ADCY8: variants seen among roughly 807,000 people sequenced by gnomAD.
ADCY8 encodes the protein adenylate cyclase type 8.
A neutral mutation model predicts 119.7 loss-of-function variants in ADCY8; 51 were observed. The observed-to-expected ratio is 0.43, with a 90% CI of 0.34 to 0.54. ADCY8 has a LOEUF of 0.54. Ranked by LOEUF, ADCY8 falls within the 20% of genes least tolerant of loss-of-function variation. The probability of loss-of-function intolerance (pLI) is 0.03; values close to 1 mark genes in which losing one functional copy is unlikely to be tolerated. For synonymous variants in ADCY8, 665 were observed against 651.0 expected (o/e 1.02, Z -0.33); for missense variants, 1,383 against 1,598.8 (o/e 0.87, Z 2.30).
At chr8:130,875,652 C>T (rs534730921) in intron 8 of ADCY8, among the ~76,000 whole-genome samples, 1 of 152,244 alleles carries the variant, frequency 6.6e-6, no homozygotes, top group East Asian at 1.9e-4. Flanking sequence ...TTATTTTATA[C>T]TAATCATTAC....
At chr8:130,874,876 C>T (rs1038186741) in intron 8 of ADCY8, among the ~76,000 whole-genome samples, 1 of 152,096 alleles carries the variant, frequency 6.6e-6, no homozygotes, top group South Asian at 2.1e-4. Context: ...ACACCCCCAG[C>T]CATGGAGAAG....
At chr8:130,863,924 CTCTT>C (rs2130376061) in intron 9 of ADCY8, among the ~76,000 whole-genome samples, 1 of 152,236 alleles carries the variant, frequency 6.6e-6, no homozygotes, top group Admixed American at 6.5e-5. Flanking sequence ...TTCTCTGATG[CTCTT>C]TCTTTATGGA....
At chr8:130,983,644 T>G (rs879706331) in intron 2 of ADCY8, among the ~76,000 whole-genome samples, 5 of 152,076 alleles carry the variant, frequency 3.3e-5, no homozygotes, top group African/African-American at 7.2e-5. Flanking sequence ...TGATGCAGGG[T>G]AAATGAAATT....
chr8:130,838,054 A>C (rs1382374479), intron 11 of ADCY8, among the ~76,000 whole-genome samples: 7 of 152,190 alleles, frequency 4.6e-5, no homozygotes, highest in African/African-American at 1.7e-4. Flanking sequence ...CAATTTTTGT[A>C]TGGGCAGGGG....
chr8:130,928,230 C>A (rs1045788752), intron 5 of ADCY8, among the ~76,000 whole-genome samples: 32 of 152,140 alleles, frequency 2.1e-4, no homozygotes, highest in African/African-American at 7.7e-4. Context: ...TGCAACCACA[C>A]CCACATAATT....
chr8:131,017,823 GAA>G (rs34885480), intron 1 of ADCY8, among the ~76,000 whole-genome samples: 1,639 of 148,826 alleles, frequency 0.011, 34 homozygotes, highest in African/African-American at 0.038. Context: ...CCATGTAAGA[GAA>G]AAAAAAAAAA....
In ADCY8 at chr8:130,859,136, G is replaced by A. The variant is rs187333549; in HGVS notation, c.2210+8710C>T. On this transcript the variant is annotated intron_variant, in intron 9 of 17. Coordinates refer to ENST00000286355, the MANE Select transcript of ADCY8 (RefSeq NM_001115.3). ...TACCACTGAGGTGTCATTGCTTCCA[G>A]GCCCTCTCCACTGACAGAGGAAGGA... is the stretch of plus-strand genomic sequence containing the variant. Among the ~76,000 whole-genome samples, 8 of 152,190 alleles carry A rather than the reference G, an allele frequency of 5.3e-5. No individual in the cohort carries two copies. In the East Asian group the frequency reaches 1.5e-3, roughly 29 times the overall value.
intron 1 of ADCY8, among the ~76,000 whole-genome samples, chr8:131,021,460 C>G (rs1227756977): frequency 6.6e-5 from 10 of 152,104 alleles, no homozygotes; most frequent in Non-Finnish European, 1.3e-4. Context: ...TCTCCAAATC[C>G]TCTAGTAATG....
intron 1 of ADCY8, among the ~76,000 whole-genome samples, chr8:131,031,595 T>TG (rs1486336673): frequency 6.6e-6 from 1 of 152,184 alleles, no homozygotes; most frequent in Non-Finnish European, 1.5e-5. Context: ...TCCTGAGGGC[T>TG]TTACCTTCAT....
At chr8:130,862,761 AAG>A (rs1266827012) in intron 9 of ADCY8, among the ~76,000 whole-genome samples, 1 of 152,204 alleles carries the variant, frequency 6.6e-6, no homozygotes, top group Admixed American at 6.5e-5. Context: ...CGTGTGATTG[AAG>A]AGTGTGTTAT....
chr8:130,904,087 T>A (rs1453472739), intron 6 of ADCY8, 45 bp from the exon 7 acceptor site: 1 of 1,555,738 alleles, frequency 6.4e-7, no homozygotes, highest in East Asian at 2.3e-5. Flanking sequence ...TGATGTTGCC[T>A]GCAAAGGCTA....
chr8:130,807,412 C>A (rs1301487018), intron 14 of ADCY8, among the ~76,000 whole-genome samples: 1 of 152,210 alleles, frequency 6.6e-6, no homozygotes, highest in East Asian at 1.9e-4. Context: ...TATGTTGAAA[C>A]TTCACTGCCA....
intron 12 of ADCY8, among the ~76,000 whole-genome samples, chr8:130,831,393 C>T (rs148750729): frequency 3.4e-4 from 52 of 152,274 alleles, no homozygotes; most frequent in Admixed American, 1.9e-3. Context: ...GTTACTTCAA[C>T]ACAGTGAGGT....
intron 1 of ADCY8, among the ~76,000 whole-genome samples, chr8:131,031,042 GT>G (rs1479694953): frequency 6.6e-6 from 1 of 152,136 alleles, no homozygotes; most frequent in Non-Finnish European, 1.5e-5. Flanking sequence ...AAGAAAAGCT[GT>G]GCAACAATCC....
chr8:130,922,659 T>A (rs143231943), intron 5 of ADCY8, among the ~76,000 whole-genome samples: 61 of 152,290 alleles, frequency 4.0e-4, no homozygotes, highest in Admixed American at 1.9e-3. Context: ...TTTCCCCACC[T>A]TCCCCCCTTT....
rs771490152 is a variant in ADCY8, at chr8:131,039,915, T to A, written c.419A>T (p.Asp140Val). The A allele has an allele frequency of 6.2e-7, 1 of 1,611,200 alleles. No homozygotes were observed. Among genetic ancestry groups the A allele is most frequent in the Non-Finnish European group, 8.5e-7 (1 of 1,178,696 alleles). Reference sequence around the variant, plus strand: ...GCTATAGCCCCCATTAAGAAAGAAATCCGAGTTGCTAGGGGCACAGTCAAG... The same window carrying A: ...GCTATAGCCCCCATTAAGAAAGAAAACCGAGTTGCTAGGGGCACAGTCAAG... ...LHLDCAPSNSDFFLNGGYSYR... is the reference protein window; with the variant it reads ...LHLDCAPSNSVFFLNGGYSYR... The change falls in exon 1 of 18, where the codon GAT (aspartate) becomes GTT (valine). Residue 140 changes from aspartate (D) to valine (V), a missense_variant. Around this residue, in one of 2 missense-constraint regions of ADCY8, gnomAD observed 455 missense variants for 435.3 expected, o/e 1.05. Transcript: ENST00000286355.
intron 2 of ADCY8, among the ~76,000 whole-genome samples, chr8:130,976,594 T>C (rs923009465): frequency 6.6e-6 from 1 of 152,220 alleles, no homozygotes; most frequent in Non-Finnish European, 1.5e-5. Context: ...TTCTTATTCA[T>C]TGATATATAT....
chr8:130,904,772 A>C (rs1229944863), intron 6 of ADCY8, among the ~76,000 whole-genome samples: 1 of 152,214 alleles, frequency 6.6e-6, no homozygotes, highest in African/African-American at 2.4e-5. Flanking sequence ...TTTTTTAGCA[A>C]AATAACATAT....
chr8:130,849,561 C>T, intron 10 of ADCY8, 41 bp downstream of exon 10: 1 of 1,604,324 alleles, frequency 6.2e-7, no homozygotes, highest in Non-Finnish European at 8.5e-7. Context: ...TGCTCAACTG[C>T]ACACTAGACA....
Sources: gnomAD v4.1 joint callset for allele counts (sites outside exome capture counted in the v4.1 genomes callset) on GRCh38, gnomAD v4.1.1 for gene constraint, gnomAD v4.1.1 regional missense constraint, MANE v1.5 for transcripts, NCBI Gene and HGNC (gene_info 2026-07-23, HGNC 2026-07-21) for gene names.